Variants in GABRB1 observed in about 807,000 individuals in gnomAD.
GABRB1 encodes the protein gamma-aminobutyric acid type A receptor subunit beta1, also known as gamma-aminobutyric acid receptor subunit beta-1.
Under a neutral mutation model 51.6 loss-of-function variants are expected in GABRB1, and 17 were observed. That is an observed-to-expected ratio of 0.33 (90% confidence interval 0.23 to 0.49). The LOEUF (loss-of-function observed/expected upper bound fraction) is 0.49. Among genes scored for constraint, GABRB1 ranks in the 20% least tolerant of loss-of-function variants. The pLI is 0.99. For synonymous variants in GABRB1, 247 were observed against 218.9 expected (o/e 1.13, Z -1.14); for missense variants, 410 against 600.6 (o/e 0.68, Z 3.32).
At chr4:47,342,442 G>A (rs1725932570) in intron 5 of GABRB1, among the ~76,000 whole-genome samples, 1 of 152,066 alleles carries the variant, frequency 6.6e-6, no homozygotes. Flanking sequence ...CAATTATGGT[G>A]ACAAAAACAA....
intron 3 of GABRB1, among the ~76,000 whole-genome samples, chr4:47,088,178 G>T (rs1406035746): frequency 2.0e-5 from 3 of 152,184 alleles, no homozygotes; most frequent in Non-Finnish European, 4.4e-5. Flanking sequence ...CGAGGCATTA[G>T]AATTCATTTG....
chr4:47,172,068 C>A (rs1390700456), intron 4 of GABRB1, among the ~76,000 whole-genome samples: 1 of 152,038 alleles, frequency 6.6e-6, no homozygotes, highest in Non-Finnish European at 1.5e-5. Flanking sequence ...TGTTATGGCA[C>A]TATAACACTC....
chr4:47,098,322 G>T (rs1291410178), intron 3 of GABRB1, among the ~76,000 whole-genome samples: 4 of 151,838 alleles, frequency 2.6e-5, no homozygotes, highest in Admixed American at 1.3e-4. Context: ...ATTTACTCTG[G>T]GGGGTTATTG....
At chr4:47,333,618 G>C (rs1326883537) in intron 5 of GABRB1, among the ~76,000 whole-genome samples, 1 of 152,102 alleles carries the variant, frequency 6.6e-6, no homozygotes, top group Non-Finnish European at 1.5e-5. Context: ...AGAAGGCTGA[G>C]GCAGGAGAAT....
At chr4:47,360,383 T>C (rs1251938391) in intron 5 of GABRB1, among the ~76,000 whole-genome samples, 2 of 151,616 alleles carry the variant, frequency 1.3e-5, no homozygotes, top group African/African-American at 4.8e-5. Flanking sequence ...CATTTTTTGG[T>C]GTTAGAAAAT....
At chr4:47,199,537 G>A (rs1388981906) in intron 4 of GABRB1, among the ~76,000 whole-genome samples, 2 of 152,050 alleles carry the variant, frequency 1.3e-5, no homozygotes, top group East Asian at 3.9e-4. Context: ...TTTTATACCA[G>A]CAGCAACGTT....
rs151098816 is a variant in GABRB1, at chr4:47,100,263, G to T, written c.241-60986G>T. On this transcript the variant is annotated intron_variant, in intron 3 of 8. Transcript: ENST00000295454. ...ATGGGATTATGTTGATTGTATACTGGTTATTTGTAAAATTATACCTAATAG... is the reference window on the plus strand; with the variant it reads ...ATGGGATTATGTTGATTGTATACTGTTTATTTGTAAAATTATACCTAATAG... 4.4e-3 allele frequency among the ~76,000 whole-genome samples: 667 copies of T among 152,054 alleles called. 6 individuals carry two copies. Among genetic ancestry groups the T allele is most frequent in the African/African-American group, 0.015 (633 of 41,508 alleles).
chr4:47,398,910 C>A lies in GABRB1; in HGVS notation c.545-4408C>A, dbSNP rs925692268. The stretch of plus-strand genomic sequence containing the variant: ...GGTTCACGCCATTCTCCCGCCTCAG[C>A]CTCCTGAGTAGCTGGGACTATAGGG... On this transcript the variant is annotated intron_variant, in intron 5 of 8. Transcript: ENST00000295454. 5.9e-5 allele frequency among the ~76,000 whole-genome samples: 9 copies of A among 152,248 alleles called. No individual in the cohort carries two copies. In the South Asian group the frequency reaches 8.3e-4, roughly 14 times the overall value.
At position 47,008,629 on chromosome 4, in the gene GABRB1, ATTTTTTT is replaced by A. The variant is rs71193894; in HGVS notation, c.-20+14718_-20+14724del. The stretch of plus-strand genomic sequence containing the variant: ...AGGCTCCCGCCACCACACCCAGCTA[ATTTTTTT>A]TTTTTTTTTTTTTTGTATTTTTAGT... On this transcript the variant is annotated intron_variant, in intron 1 of 3. Transcript: ENST00000513567. Among the ~76,000 whole-genome samples, 43 of 117,488 alleles carry A rather than the reference ATTTTTTT, an allele frequency of 3.7e-4. 1 individual carries two copies. The highest frequency in any genetic ancestry group is 8.7e-4 in the Admixed American group (10 of 11,478). 77.1% of individuals were successfully genotyped at this position (117,488 alleles called of 152,430 possible). A position where few individuals can be genotyped will look rare whatever the true frequency, so the allele number is the denominator to read the frequency against.
chr4:47,037,605 G>A lies in GABRB1; in HGVS notation c.240+5121G>A, dbSNP rs114634598. Among the ~76,000 whole-genome samples the A allele has an allele frequency of 4.7e-3, 686 of 145,640 alleles. 7 individuals carry two copies. The highest frequency in any genetic ancestry group is 0.016 in the African/African-American group (623 of 39,142). ...ACATTAAAGCAAGCCTATCTAGATTGTTTTAAAGTTTGAGTTTACATTTGA... is the reference window on the plus strand; with the variant it reads ...ACATTAAAGCAAGCCTATCTAGATTATTTTAAAGTTTGAGTTTACATTTGA... On this transcript the variant is annotated intron_variant, in intron 3 of 8. Transcript: ENST00000295454.
chr4:47,218,328 T>A (rs1054238813), intron 4 of GABRB1, among the ~76,000 whole-genome samples: 7 of 152,004 alleles, frequency 4.6e-5, no homozygotes, highest in Admixed American at 2.0e-4. Flanking sequence ...GATATATTGA[T>A]TTTATTTCCT....
At chr4:47,315,550 G>A (rs2109957766) in intron 4 of GABRB1, among the ~76,000 whole-genome samples, 1 of 151,904 alleles carries the variant, frequency 6.6e-6, no homozygotes, top group Non-Finnish European at 1.5e-5. Context: ...AAAGGAATAT[G>A]AGTCATTGTA....
chr4:47,008,832 T>C (rs1308809012), intron 1 of GABRB1, among the ~76,000 whole-genome samples: 1 of 140,466 alleles, frequency 7.1e-6, no homozygotes, highest in Non-Finnish European at 1.5e-5. Flanking sequence ...TAGTTCACCC[T>C]GTCACGCTAT....
intron 3 of GABRB1, among the ~76,000 whole-genome samples, chr4:47,055,846 G>A (rs371185742): frequency 2.8e-4 from 42 of 152,244 alleles, no homozygotes; most frequent in African/African-American, 1.0e-3. Context: ...TTCAAGACTG[G>A]ACATGAAACC....
At chr4:47,420,935 CACACACAA>C (rs1729072445) in intron 8 of GABRB1, among the ~76,000 whole-genome samples, 1 of 105,442 alleles carries the variant, frequency 9.5e-6, no homozygotes. Flanking sequence ...CATGTACATA[CACACACAA>C]ACACACACAC....
intron 5 of GABRB1, among the ~76,000 whole-genome samples, chr4:47,336,651 GA>G (rs898250837): frequency 7.2e-5 from 11 of 152,266 alleles, no homozygotes; most frequent in African/African-American, 1.9e-4. Context: ...AAATGTTCTA[GA>G]AAAAGAAGTG....
chr4:47,311,146 C>A (rs963781900), intron 4 of GABRB1, among the ~76,000 whole-genome samples: 11 of 150,732 alleles, frequency 7.3e-5, no homozygotes, highest in Non-Finnish European at 1.5e-4. Flanking sequence ...GTAATCCCAG[C>A]ACTCTGGGAG....
At chr4:47,348,183 G>A (rs1444119022) in intron 5 of GABRB1, among the ~76,000 whole-genome samples, 1 of 152,176 alleles carries the variant, frequency 6.6e-6, no homozygotes, top group Non-Finnish European at 1.5e-5. Flanking sequence ...TTCATCAACT[G>A]ATGCAGGTAT....
chr4:47,248,642 T>A (rs1254523592), intron 4 of GABRB1, among the ~76,000 whole-genome samples: 1 of 152,096 alleles, frequency 6.6e-6, no homozygotes. Context: ...TCCTAGACTT[T>A]TTTTTTGTTG....
Sources: allele counts gnomAD v4.1 joint callset (sites outside exome capture counted in the v4.1 genomes callset), GRCh38; gene constraint gnomAD v4.1.1; transcripts MANE v1.5; gene names NCBI Gene and HGNC (gene_info 2026-07-23, HGNC 2026-07-21).